ADGRD1: variants seen among roughly 807,000 people sequenced by gnomAD.
ADGRD1 encodes the protein G-protein coupled receptor 133.
A neutral mutation model predicts 113.4 loss-of-function variants in ADGRD1; 77 were observed. The observed-to-expected ratio is 0.68, with a 90% CI of 0.57 to 0.82. The LOEUF (loss-of-function observed/expected upper bound fraction) is 0.82, where lower values mean the gene tolerates loss of function less well. ADGRD1 is among the 40% of genes least tolerant of loss of function. ADGRD1 has a pLI of 0.00. For synonymous variants in ADGRD1, 474 were observed against 475.0 expected, an observed-to-expected ratio of 1.00 and a Z score of 0.03; for missense variants, 1,036 against 1,139.1, an observed-to-expected ratio of 0.91 and a Z score of 1.30.
At chr12:131,054,568 C>A (rs988134028) in intron 13 of ADGRD1, among the ~76,000 whole-genome samples, 1 of 152,208 alleles carries the variant, frequency 6.6e-6, no homozygotes, top group East Asian at 1.9e-4. Context: ...CAGGCTATTC[C>A]TGGCCCTGTG....
At chr12:130,977,759 T>A (rs929525706) in intron 4 of ADGRD1, 2 of 152,488 alleles carry the variant, frequency 1.3e-5, no homozygotes, top group East Asian at 3.8e-4. Flanking sequence ...CTGTGGTGAC[T>A]GGGGTGTGGG....
chr12:131,093,154 G>T (rs1249604627), intron 15 of ADGRD1, among the ~76,000 whole-genome samples: 1 of 152,076 alleles, frequency 6.6e-6, no homozygotes, highest in Admixed American at 6.5e-5. Context: ...GAAGGACTTG[G>T]GTTAGAACTG....
intron 9 of ADGRD1, among the ~76,000 whole-genome samples, chr12:131,000,764 A>AAAG (rs1876283755): frequency 6.6e-6 from 1 of 151,154 alleles, no homozygotes; most frequent in African/African-American, 2.4e-5. Context: ...AAAAAAAAAA[A>AAAG]AGAGAGAGAG....
At chr12:130,962,966 C>G (rs1190843543) in intron 2 of ADGRD1, 1 of 152,142 alleles carries the variant, frequency 6.6e-6, no homozygotes, top group Non-Finnish European at 1.5e-5. Flanking sequence ...TCATAACTAC[C>G]TATGGCACTT....
At chr12:131,115,100 G>A (rs887507533) in intron 18 of ADGRD1, among the ~76,000 whole-genome samples, 5 of 152,142 alleles carry the variant, frequency 3.3e-5, no homozygotes, top group African/African-American at 4.8e-5. Context: ...AGGGGGATCC[G>A]TCAGGGTAGG....
intron 18 of ADGRD1, among the ~76,000 whole-genome samples, chr12:131,115,898 C>T (rs909489146): frequency 1.3e-5 from 2 of 152,178 alleles, no homozygotes; most frequent in South Asian, 2.1e-4. Context: ...CAACTCATTA[C>T]GTTCCCATGG....
At chr12:131,058,053 AG>A (rs1884027175) in intron 13 of ADGRD1, among the ~76,000 whole-genome samples, 1 of 152,236 alleles carries the variant, frequency 6.6e-6, no homozygotes, top group African/African-American at 2.4e-5. Flanking sequence ...TCCTAGATCC[AG>A]AAGTTTAGAG....
At chr12:131,054,147 C>CA (rs1334280479) in intron 13 of ADGRD1, among the ~76,000 whole-genome samples, 11 of 152,224 alleles carry the variant, frequency 7.2e-5, no homozygotes, top group South Asian at 2.1e-4. Flanking sequence ...GTGTAACTGG[C>CA]AAAAAAATAA....
intron 12 of ADGRD1, among the ~76,000 whole-genome samples, chr12:131,006,679 C>T (rs534064734): frequency 2.5e-4 from 9 of 35,298 alleles, no homozygotes; most frequent in South Asian, 1.5e-3. Context: ...ATGAGGGGGG[C>T]GGCGAGGCTG....
intron 13 of ADGRD1, among the ~76,000 whole-genome samples, chr12:131,017,816 C>T (rs1878798209): frequency 6.6e-6 from 1 of 151,492 alleles, no homozygotes; most frequent in Admixed American, 6.6e-5. Flanking sequence ...CCAGTGTGCA[C>T]ACACCCAGTC....
At position 131,000,419 on chromosome 12, in the gene ADGRD1, C is replaced by G; in HGVS notation, c.1003C>G (p.Pro335Ala). Residue 335 changes from proline to alanine, a missense_variant, in exon 9 of 25, where the codon CCT (proline) becomes GCT (alanine). Pro to Ala is a conservative substitution (Grantham distance 27, BLOSUM62 -1). Coordinates refer to ENST00000261654, the MANE Select transcript of ADGRD1 (RefSeq NM_198827.5). ...LKAVGEILLL[P>A]GWIALSEDSA... is the part of the protein sequence containing the mutation. The stretch of plus-strand genomic sequence containing the variant: ...AGCCGTGGGAGAGATCCTTCTACTG[C>G]CTGGTTGGATTGCTCTGTCAGAGGT... 7 of 1,612,706 alleles carry G rather than the reference C, an allele frequency of 4.3e-6. No homozygotes were observed. Among genetic ancestry groups the G allele is most frequent in the Non-Finnish European group, 5.9e-6 (7 of 1,179,212 alleles).
intron 2 of ADGRD1, among the ~76,000 whole-genome samples, chr12:130,964,868 A>C (rs1261777735): frequency 6.6e-6 from 1 of 151,988 alleles, no homozygotes; most frequent in Admixed American, 6.6e-5. Flanking sequence ...TCCTCTCTTT[A>C]TCCTCTTCTG....
At position 131,022,684 on chromosome 12, in the gene ADGRD1, G is replaced by A. The variant is rs1001409362; in HGVS notation, c.1473+8344G>A. ...TTTTCTGAGTCCCTCCTTACATTCA[G>A]GCATTAAAGATATGCTGGGCTCATG... On this transcript the variant is annotated intron_variant, in intron 13 of 24. Transcript: ENST00000261654. The surrounding 1 kb of genome is among the most constrained non-coding windows in gnomAD (Gnocchi z 4.6). 1.3e-5 allele frequency: 2 copies of A among 152,188 alleles called. No individual in the cohort carries two copies. Among genetic ancestry groups the A allele is most frequent in the Middle Eastern group, 3.4e-3 (1 of 294 alleles). The allele number at this position is 152,188 out of a possible 1,614,324, so 9.4% of individuals were successfully genotyped here.
Position 131,118,467 on chromosome 12 carries a change from T to C in ADGRD1, c.2108+16T>C, listed in dbSNP as rs762335534. On this transcript the variant is annotated intron_variant, in intron 19 of 24. Transcript: ENST00000261654. ...CAAGCAACAAGTAAGTGCAGGGCTTTGCCTTGCTTTTGGCAGGCGTTCCAT... is the reference window on the plus strand; with the variant it reads ...CAAGCAACAAGTAAGTGCAGGGCTTCGCCTTGCTTTTGGCAGGCGTTCCAT... 1.1e-5 allele frequency: 17 copies of C among 1,588,790 alleles called. No homozygotes were observed. The highest frequency in any genetic ancestry group is 1.4e-5 in the Non-Finnish European group (16 of 1,167,314).
chr12:131,038,251 C>A (rs1186966024), intron 13 of ADGRD1, among the ~76,000 whole-genome samples: 1 of 152,366 alleles, frequency 6.6e-6, no homozygotes, highest in Admixed American at 6.5e-5. Context: ...TGGACTTCCC[C>A]CATCCACATA....
intron 8 of ADGRD1, among the ~76,000 whole-genome samples, chr12:130,998,275 A>C (rs1254247244): frequency 6.6e-6 from 1 of 152,134 alleles, no homozygotes; most frequent in Non-Finnish European, 1.5e-5. Flanking sequence ...GACATCTACG[A>C]GGCAGGCTCA....
In ADGRD1 at chr12:131,123,882, T is replaced by C. The variant is rs7953051; in HGVS notation, c.2175+2969T>C. Among the ~76,000 whole-genome samples the C allele has an allele frequency of 8.7e-3, 1,312 of 151,612 alleles. 24 individuals carry two copies. The highest frequency in any genetic ancestry group is 0.03 in the African/African-American group (1,259 of 41,286). ...TGCAGAGGCCAGCAAACTGCAGCAG[T>C]GTGGCCCACTACCTGCTTTTGTAGA... On this transcript the variant is annotated intron_variant, in intron 20 of 24. Transcript: ENST00000261654.
intron 2 of ADGRD1, among the ~76,000 whole-genome samples, chr12:130,961,150 A>G (rs1195747): frequency 0.61 from 92,894 of 152,076 alleles, 29,229 homozygotes; most frequent in Middle Eastern, 0.82. Flanking sequence ...GGTTTCCCTG[A>G]ACGCACACAA....
intron 15 of ADGRD1, among the ~76,000 whole-genome samples, chr12:131,087,731 C>G (rs1886588794): frequency 6.6e-6 from 1 of 152,232 alleles, no homozygotes; most frequent in South Asian, 2.1e-4. Flanking sequence ...CCCCACGCCC[C>G]CCCCATGCCT....
Sources: allele counts gnomAD v4.1 joint callset (sites outside exome capture counted in the v4.1 genomes callset), GRCh38; gene constraint gnomAD v4.1.1; non-coding constraint Gnocchi (gnomAD v3.1); transcripts MANE v1.5; gene names NCBI Gene and HGNC (gene_info 2026-07-23, HGNC 2026-07-21).